Variants in SIRPG observed in about 807,000 individuals in gnomAD.
SIRPG encodes signal regulatory protein gamma.
In SIRPG, 38 loss-of-function variants were observed where a neutral mutation model predicts 35.7. That is an observed-to-expected ratio of 1.06 (90% CI 0.82 to 1.40). The LOEUF (loss-of-function observed/expected upper bound fraction) is 1.40, where lower values mean the gene tolerates loss of function less well. Ranked by LOEUF, SIRPG falls within the 40% of genes most tolerant of loss-of-function variation. The pLI, the probability that SIRPG is intolerant of heterozygous loss-of-function variation, is 0.00. For missense variants in SIRPG, 519 were observed against 483.0 expected, an observed-to-expected ratio of 1.07 and a Z score of -0.70; for synonymous variants, 215 against 190.4, an observed-to-expected ratio of 1.13 and a Z score of -1.06.
chr20:1,655,223 A>T (rs2091968223), intron 1 of SIRPG, among the ~76,000 whole-genome samples: 1 of 152,168 alleles, frequency 6.6e-6, no homozygotes, highest in African/African-American at 2.4e-5. Context: ...ATATATCTGC[A>T]CTCCCATGTC....
At chr20:1,634,501 C>T (rs1191018748) in intron 4 of SIRPG, among the ~76,000 whole-genome samples, 1 of 152,084 alleles carries the variant, frequency 6.6e-6, no homozygotes. Context: ...GCCGCCAGGC[C>T]TGGTACAGTT....
chr20:1,668,199 T>TTTTCTTTCTTTCTTTC, the SIRPG span, among the ~76,000 whole-genome samples: 2,258 of 67,228 alleles, frequency 0.034, 36 homozygotes, highest in South Asian at 0.056. Context: ...TTTTCTTTTC[T>TTTTCTTTCTTTCTTTC]TTTCTTTCTT....
At chr20:1,674,599 G>A in the SIRPG span, among the ~76,000 whole-genome samples, 1 of 152,276 alleles carries the variant, frequency 6.6e-6, no homozygotes. Context: ...CTGTTCTGCG[G>A]AAGCTCAGTA....
chr20:1,653,439 G>T (rs1043156909), intron 1 of SIRPG, among the ~76,000 whole-genome samples: 5 of 152,162 alleles, frequency 3.3e-5, no homozygotes, highest in African/African-American at 9.7e-5. Flanking sequence ...GATTTCTGAG[G>T]CTTGGAGGCT....
At chr20:1,673,717 CACAA>C in the SIRPG span, among the ~76,000 whole-genome samples, 1 of 152,178 alleles carries the variant, frequency 6.6e-6, no homozygotes, top group African/African-American at 2.4e-5. Flanking sequence ...GCTTTCAAAA[CACAA>C]ACAAGATCAC....
At chr20:1,630,567 C>G in intron 4 of SIRPG, 1 of 402,710 alleles carries the variant, frequency 2.5e-6, no homozygotes, top group Middle Eastern at 6.8e-4. Flanking sequence ...GGTATTCATA[C>G]ATGTGGCAAC....
chr20:1,661,260 GC>G (rs1392584951), upstream of SIRPG, among the ~76,000 whole-genome samples: 1 of 152,170 alleles, frequency 6.6e-6, no homozygotes, highest in African/African-American at 2.4e-5. Flanking sequence ...GAGGTCATGT[GC>G]CCAGCCCTAG....
At chr20:1,681,680 T>A in the SIRPG span, among the ~76,000 whole-genome samples, 1 of 151,334 alleles carries the variant, frequency 6.6e-6, no homozygotes, top group Non-Finnish European at 1.5e-5. Flanking sequence ...AAAATAAAAA[T>A]AAAAAAATAG....
At chr20:1,681,418 ATG>A in the SIRPG span, among the ~76,000 whole-genome samples, 1 of 151,958 alleles carries the variant, frequency 6.6e-6, no homozygotes, top group African/African-American at 2.4e-5. Context: ...TTCCTTATCT[ATG>A]TGTGTGTGTG....
chr20:1,679,930 C>A, the SIRPG span, among the ~76,000 whole-genome samples: 1 of 152,126 alleles, frequency 6.6e-6, no homozygotes, highest in East Asian at 1.9e-4. Flanking sequence ...GACTCTCCAT[C>A]CTAAAGTGGG....
the SIRPG span, among the ~76,000 whole-genome samples, chr20:1,671,817 G>A: frequency 1.3e-5 from 2 of 152,216 alleles, no homozygotes; most frequent in South Asian, 2.1e-4. Flanking sequence ...GGCACAGATC[G>A]CTCATGTTGT....
At chr20:1,635,114 C>T (rs1158681817) in intron 4 of SIRPG, among the ~76,000 whole-genome samples, 153 bp downstream of exon 4, 1 of 152,048 alleles carries the variant, frequency 6.6e-6, no homozygotes, top group Non-Finnish European at 1.5e-5. Flanking sequence ...TCTTACTAGT[C>T]ATGACTCTTC....
the SIRPG span, among the ~76,000 whole-genome samples, chr20:1,683,089 A>C: frequency 6.6e-6 from 1 of 152,208 alleles, no homozygotes. Flanking sequence ...TGGGCCAAAG[A>C]CCTGAATAGA....
chr20:1,636,186 A>T lies in SIRPG; in HGVS notation c.748+2T>A, dbSNP rs149415242. 5.1e-5 allele frequency: 82 copies of T among 1,613,850 alleles called. No homozygotes were observed. The highest frequency in any genetic ancestry group is 1.3e-4 in the Admixed American group (8 of 59,980). On this transcript the variant is annotated splice_donor_variant, in intron 3 of 5. Coordinates refer to ENST00000303415, the MANE Select transcript of SIRPG (RefSeq NM_018556.4). LOFTEE classifies it high-confidence loss of function. The stretch of plus-strand genomic sequence containing the variant: ...CTTGGGCTGGGTGTGAGGGTCCTCT[A>T]CCTCGGATGGCCTCAGACAAGTTGG...
intron 4 of SIRPG, among the ~76,000 whole-genome samples, chr20:1,631,152 C>T (rs911127787): frequency 4.6e-5 from 7 of 152,102 alleles, no homozygotes; most frequent in Non-Finnish European, 8.8e-5. Context: ...CAGTTTGGGC[C>T]ATTAAAGATA....
At position 1,629,306 on chromosome 20, in the gene SIRPG, C is replaced by T. The variant is rs6043374; in HGVS notation, c.*333G>A. On this transcript the variant is annotated 3_prime_UTR_variant, in exon 6 of 6. Transcript: ENST00000303415. ...GAACCTGGAGAGCGTCTGTGGTTTACGGTCAGTCTCAAGGCGATGGATGGG... is the reference window on the plus strand; with the variant it reads ...GAACCTGGAGAGCGTCTGTGGTTTATGGTCAGTCTCAAGGCGATGGATGGG... 27,384 of 152,124 alleles carry T rather than the reference C, an allele frequency of 0.18. 3,602 individuals are homozygous for T. The highest frequency in any genetic ancestry group is 0.37 in the African/African-American group (15,207 of 41,422). 9.4% of individuals were successfully genotyped at this position (152,124 alleles called of 1,614,324 possible). A position where few individuals can be genotyped will look rare whatever the true frequency, so the allele number is the denominator to read the frequency against.
rs1401186721 is a variant in SIRPG at position 1,649,221 on chromosome 20, C to T, written c.261G>A (p.Arg87=). Residue 87 remains arginine (R), a synonymous_variant, in exon 2 of 6, where the codon AGG becomes AGA. Coordinates refer to ENST00000303415, the MANE Select transcript of SIRPG (RefSeq NM_018556.4). ...IYNQKEGHFP[R]VTTVSDLTKR... is the part of the protein sequence containing the mutation. Reference sequence around the variant, plus strand: ...TTGTGAGGTCTGAAACTGTTGTTACCCTGGGGAAGTGGCCTTCTTTTTGAT... The same window carrying T: ...TTGTGAGGTCTGAAACTGTTGTTACTCTGGGGAAGTGGCCTTCTTTTTGAT... 1 of 1,614,014 alleles carries T rather than the reference C, an allele frequency of 6.2e-7. No individual in the cohort carries two copies. Among genetic ancestry groups the T allele is most frequent in the Admixed American group, 1.7e-5 (1 of 59,982 alleles).
chr20:1,641,996 A>G (rs994349238), intron 2 of SIRPG, among the ~76,000 whole-genome samples: 5 of 152,124 alleles, frequency 3.3e-5, no homozygotes, highest in African/African-American at 9.7e-5. Flanking sequence ...TTTGCTGAGG[A>G]GTGTTTTACT....
intron 2 of SIRPG, among the ~76,000 whole-genome samples, chr20:1,642,641 T>C (rs1325569948): frequency 6.6e-6 from 1 of 152,240 alleles, no homozygotes; most frequent in Non-Finnish European, 1.5e-5. Flanking sequence ...TGCACACCAG[T>C]TGATGCGGTT....
Sources: allele counts gnomAD v4.1 joint callset (sites outside exome capture counted in the v4.1 genomes callset), GRCh38; gene constraint gnomAD v4.1.1; transcripts MANE v1.5; gene names NCBI Gene and HGNC (gene_info 2026-07-23, HGNC 2026-07-21).